AKT3: variants seen among roughly 807,000 people sequenced by gnomAD.
The protein encoded by AKT3 is RAC-gamma serine/threonine-protein kinase.
Under a neutral mutation model 65.3 loss-of-function variants are expected in AKT3, and 15 were observed. The observed-to-expected ratio is 0.23, with a 90% confidence interval of 0.15 to 0.35. The LOEUF is 0.35. AKT3 is among the 10% of genes least tolerant of loss of function. The pLI, the probability that AKT3 is intolerant of heterozygous loss-of-function variation, is 1.00. For missense variants in AKT3, 243 were observed against 576.5 expected (o/e 0.42, Z 5.92); for synonymous variants, 206 against 183.8 (o/e 1.12, Z -0.98).
At chr1:243,820,843 A>C (rs2148422471) in intron 2 of AKT3, among the ~76,000 whole-genome samples, 1 of 152,292 alleles carries the variant, frequency 6.6e-6, no homozygotes, top group South Asian at 2.1e-4. Context: ...AAATGGAACC[A>C]AGTTGGAATA....
chr1:243,688,066 A>G (rs969991291), intron 3 of AKT3, among the ~76,000 whole-genome samples: 6 of 152,302 alleles, frequency 3.9e-5, no homozygotes, highest in Middle Eastern at 3.4e-3. Flanking sequence ...TGATTTCATT[A>G]TATGAATGTA....
At chr1:243,799,020 G>C (rs994816223) in intron 2 of AKT3, among the ~76,000 whole-genome samples, 4 of 152,208 alleles carry the variant, frequency 2.6e-5, no homozygotes, top group African/African-American at 9.7e-5. Flanking sequence ...AACAGTTATT[G>C]CACTTTTCTG....
chr1:243,688,318 GA>G lies in AKT3; in HGVS notation c.172+7272del, dbSNP rs200822280. Among the ~76,000 whole-genome samples, 764 of 151,574 alleles carry G rather than the reference GA, an allele frequency of 5.0e-3. 9 individuals carry two copies. Among genetic ancestry groups the G allele is most frequent in the African/African-American group, 0.018 (726 of 41,324 alleles). ...ATGTATAGAACATTAAAGAGTAACA[GA>G]AAAAAAAGAATGAAAAGATATAGGC... is the stretch of plus-strand genomic sequence containing the variant. On this transcript the variant is annotated intron_variant, in intron 3 of 13. Transcript: ENST00000673466.
chr1:243,789,384 C>A (rs1691474854), intron 2 of AKT3, among the ~76,000 whole-genome samples: 1 of 152,144 alleles, frequency 6.6e-6, no homozygotes, highest in Non-Finnish European at 1.5e-5. Flanking sequence ...GAGACTTTGT[C>A]TTTAAAAAAA....
chr1:243,530,275 G>A lies in AKT3; in HGVS notation c.1251+15235C>T, dbSNP rs576676405. 2.6e-5 allele frequency among the ~76,000 whole-genome samples: 4 copies of A among 152,118 alleles called. No individual in the cohort carries two copies. In the South Asian group the frequency reaches 8.3e-4, roughly 32 times the overall value. On this transcript the variant is annotated intron_variant, in intron 12 of 13. Transcript: ENST00000673466. ...AACCATACTGTCTGCAAACATGGAT[G>A]GTTTAACTTCAGCAAATTTTTAAAA...
intron 2 of AKT3, among the ~76,000 whole-genome samples, chr1:243,781,641 G>A (rs1191377955): frequency 6.6e-6 from 1 of 152,108 alleles, no homozygotes; most frequent in Admixed American, 6.5e-5. Flanking sequence ...TGATGTTTGA[G>A]TGACAGACCT....
At chr1:243,840,772 A>G (rs1180778269) in intron 2 of AKT3, among the ~76,000 whole-genome samples, 1 of 152,056 alleles carries the variant, frequency 6.6e-6, no homozygotes, top group Non-Finnish European at 1.5e-5. Context: ...TGAACACTCT[A>G]AAGTTAACTG....
intron 2 of AKT3, among the ~76,000 whole-genome samples, chr1:243,766,868 T>G (rs574152817): frequency 6.6e-6 from 1 of 152,292 alleles, no homozygotes; most frequent in Non-Finnish European, 1.5e-5. Context: ...TATGAATGTT[T>G]CTAGTCTGGT....
chr1:243,588,688 T>C (rs1189703208), intron 8 of AKT3, among the ~76,000 whole-genome samples: 22 of 152,112 alleles, frequency 1.4e-4, no homozygotes, highest in Admixed American at 1.2e-3. Flanking sequence ...GATATACACA[T>C]GCAAAAGAAT....
At chr1:243,807,557 C>T (rs2148386512) in intron 2 of AKT3, among the ~76,000 whole-genome samples, 1 of 152,350 alleles carries the variant, frequency 6.6e-6, no homozygotes, top group South Asian at 2.1e-4. Context: ...GGGTGGAGCC[C>T]ACCACAACTA....
intron 1 of AKT3, 115 bp downstream of exon 1, chr1:243,849,910 CCCCCGCCTCACCCCA>C (rs1389586643): frequency 1.5e-6 from 1 of 675,250 alleles, no homozygotes; most frequent in Non-Finnish European, 1.8e-6. Flanking sequence ...AACCCAGAAG[CCCCCGCCTCACCCCA>C]CCCCGCCGCC....
At chr1:243,735,898 G>A (rs554926223) in intron 2 of AKT3, among the ~76,000 whole-genome samples, 2 of 152,150 alleles carry the variant, frequency 1.3e-5, no homozygotes, top group Non-Finnish European at 2.9e-5. Flanking sequence ...TTATTAAAAA[G>A]TAAAATTATT....
At chr1:243,591,168 A>C (rs1676199687) in intron 8 of AKT3, among the ~76,000 whole-genome samples, 1 of 152,228 alleles carries the variant, frequency 6.6e-6, no homozygotes, top group Non-Finnish European at 1.5e-5. Context: ...CTCATTGAGC[A>C]GCACCTGTAT....
intron 2 of AKT3, among the ~76,000 whole-genome samples, chr1:243,774,553 A>C (rs1256187621): frequency 6.6e-6 from 1 of 152,184 alleles, no homozygotes; most frequent in South Asian, 2.1e-4. Flanking sequence ...TATCACAAGT[A>C]AAATAGTATT....
intron 5 of AKT3, among the ~76,000 whole-genome samples, chr1:243,639,784 C>T (rs1233419126): frequency 6.6e-6 from 1 of 152,168 alleles, no homozygotes; most frequent in East Asian, 1.9e-4. Flanking sequence ...CAGGGCTGCT[C>T]TGCCTATGGA....
intron 8 of AKT3, 124 bp from the exon 9 acceptor site, chr1:243,573,172 C>A (rs1236011212): frequency 3.4e-6 from 4 of 1,167,140 alleles, no homozygotes; most frequent in Non-Finnish European, 4.7e-6. Flanking sequence ...TCAGTGGACA[C>A]TGAGCACTCT....
intron 3 of AKT3, among the ~76,000 whole-genome samples, chr1:243,689,425 G>C (rs1438182563): frequency 6.6e-6 from 1 of 150,620 alleles, no homozygotes; most frequent in African/African-American, 2.4e-5. Context: ...AGTATTAATA[G>C]GAATCAACTG....
chr1:243,790,920 A>G (rs1458659643), intron 2 of AKT3, among the ~76,000 whole-genome samples: 1 of 152,202 alleles, frequency 6.6e-6, no homozygotes, highest in African/African-American at 2.4e-5. Context: ...GTGCCCCAAA[A>G]CAATTACAAC....
At chr1:243,528,967 AT>A (rs1487068723) in intron 12 of AKT3, among the ~76,000 whole-genome samples, 2 of 152,024 alleles carry the variant, frequency 1.3e-5, no homozygotes, top group African/African-American at 4.8e-5. Context: ...AGCATCTGTT[AT>A]TTTTTGACTT....
Sources: allele counts gnomAD v4.1 joint callset (sites outside exome capture counted in the v4.1 genomes callset), GRCh38; gene constraint gnomAD v4.1.1; transcripts MANE v1.5; gene names NCBI Gene and HGNC (gene_info 2026-07-23, HGNC 2026-07-21).